MACF1: variants seen among roughly 807,000 people sequenced by gnomAD.
MACF1 encodes the protein microtubule actin crosslinking factor 1, also known as microtubule-actin cross-linking factor 1.
In MACF1, 193 loss-of-function variants were observed where a neutral mutation model predicts 854.8. That is an observed-to-expected ratio of 0.23 (90% CI 0.20 to 0.25). The LOEUF (loss-of-function observed/expected upper bound fraction) is 0.25. Among genes scored for constraint, MACF1 ranks in the 10% least tolerant of loss-of-function variants. The pLI is 1.00. For synonymous variants in MACF1, 3,185 were observed against 3,226.7 expected, an observed-to-expected ratio of 0.99 and a Z score of 0.44; for missense variants, 7,722 against 8,929.1, an observed-to-expected ratio of 0.86 and a Z score of 5.45.
intron 1 of MACF1, among the ~76,000 whole-genome samples, chr1:39,224,184 T>TCC (rs1327852511): frequency 6.6e-6 from 1 of 151,612 alleles, no homozygotes; most frequent in African/African-American, 2.4e-5. Flanking sequence ...ATCCCCCTAC[T>TCC]CCCCCCCATA....
intron 71 of MACF1, 30 bp from the exon 72 acceptor site, chr1:39,439,244 T>C (rs757516531): frequency 1.4e-6 from 2 of 1,393,270 alleles, no homozygotes; most frequent in East Asian, 4.6e-5. Flanking sequence ...CAGAAAGTCC[T>C]ATTCATATCT....
chr1:39,122,019 A>G (rs768500616), intron 2 of MACF1, among the ~76,000 whole-genome samples: 3 of 152,072 alleles, frequency 2.0e-5, no homozygotes, highest in Non-Finnish European at 4.4e-5. Flanking sequence ...GATTTGAACT[A>G]CTCAAGTAGA....
intron 40 of MACF1, among the ~76,000 whole-genome samples, chr1:39,343,809 G>A (rs1375907407): frequency 6.6e-6 from 1 of 152,136 alleles, no homozygotes. Flanking sequence ...TAGAGCAGGA[G>A]TGAAAGTTTA....
chr1:39,326,340 A>G (rs1646609526), intron 35 of MACF1, among the ~76,000 whole-genome samples: 1 of 152,198 alleles, frequency 6.6e-6, no homozygotes, highest in Non-Finnish European at 1.5e-5. Flanking sequence ...TTGGTGACAA[A>G]TATACAGTGG....
intron 2 of MACF1, among the ~76,000 whole-genome samples, chr1:39,112,577 C>T (rs1043751993): frequency 1.3e-5 from 2 of 151,974 alleles, no homozygotes; most frequent in Non-Finnish European, 2.9e-5. Context: ...ACTTGGATGG[C>T]TGAGGCACAA....
In MACF1 at chr1:39,340,803, G is replaced by A; in HGVS notation, c.10432-1G>A. 1 of 1,612,760 alleles carries A rather than the reference G, an allele frequency of 6.2e-7. No individual in the cohort carries two copies. Among genetic ancestry groups the A allele is most frequent in the Non-Finnish European group, 8.5e-7 (1 of 1,179,630 alleles). On this transcript the variant is annotated splice_acceptor_variant, in intron 39 of 100. Coordinates refer to ENST00000564288, the MANE Select transcript of MACF1 (RefSeq NM_001394062.1). LOFTEE classifies it high-confidence loss of function. ...AATGTGATTTTCCATTTATTTCTTA[G>A]ACTAAAGTGTTAAATCAGCACACAC...
chr1:39,185,836 C>A (rs1644161860), intron 2 of MACF1, among the ~76,000 whole-genome samples: 1 of 152,138 alleles, frequency 6.6e-6, no homozygotes, highest in Non-Finnish European at 1.5e-5. Flanking sequence ...TGTATCTCTT[C>A]ATGAAATAAC....
rs571092284 is a variant in MACF1 at position 39,250,246 on chromosome 1, T to G, written c.261+143T>G. 252 of 491,132 alleles carry G rather than the reference T, an allele frequency of 5.1e-4. No individual in the cohort carries two copies. The South Asian group carries it at 5.2e-3, about 10-fold the overall frequency. 30.4% of individuals were successfully genotyped at this position (491,132 alleles called of 1,614,324 possible). A position where few individuals can be genotyped will look rare whatever the true frequency, so the allele number is the denominator to read the frequency against. On this transcript the variant is annotated intron_variant, in intron 3 of 100. Coordinates refer to ENST00000564288, the MANE Select transcript of MACF1 (RefSeq NM_001394062.1). ...AAGTAGAAGGAAATGTTGGGGGACT[T>G]TATTTCTAACTCAGACTTAGAATTT...
At chr1:39,127,827 G>A (rs1285311493) in intron 2 of MACF1, among the ~76,000 whole-genome samples, 1 of 151,818 alleles carries the variant, frequency 6.6e-6, no homozygotes, top group East Asian at 1.9e-4. Context: ...GCCCTAGTCA[G>A]ATGTGAGATG....
chr1:39,190,548 C>T (rs1283992632), intron 2 of MACF1, among the ~76,000 whole-genome samples: 1 of 151,646 alleles, frequency 6.6e-6, no homozygotes, highest in Non-Finnish European at 1.5e-5. Context: ...CCATGTTGCC[C>T]AGGGTGGTCT....
chr1:39,088,121 T>C (rs1040058874), intron 2 of MACF1, among the ~76,000 whole-genome samples: 7 of 152,168 alleles, frequency 4.6e-5, no homozygotes, highest in Non-Finnish European at 7.4e-5. Flanking sequence ...TACAGGCGCC[T>C]GCCACCTTGC....
At chr1:39,184,306 G>A (rs1013388202) in intron 2 of MACF1, among the ~76,000 whole-genome samples, 3 of 152,152 alleles carry the variant, frequency 2.0e-5, no homozygotes, top group Middle Eastern at 3.2e-3. Context: ...CAGTTCTATA[G>A]CTAGCAGGGT....
chr1:39,325,135 CAG>C (rs1646585694), intron 35 of MACF1, among the ~76,000 whole-genome samples: 4 of 152,130 alleles, frequency 2.6e-5, no homozygotes, highest in Non-Finnish European at 4.4e-5. Context: ...CATAAAGTGA[CAG>C]AGATTTGAAT....
chr1:39,436,163 A>G (rs527508221), intron 70 of MACF1, among the ~76,000 whole-genome samples: 1 of 152,330 alleles, frequency 6.6e-6, no homozygotes, highest in Non-Finnish European at 1.5e-5. Context: ...CAGCTAACTC[A>G]TAGTTTAAGA....
chr1:39,354,396 T>TTTTA (rs976482107), intron 44 of MACF1, among the ~76,000 whole-genome samples: 35 of 152,200 alleles, frequency 2.3e-4, no homozygotes, highest in South Asian at 1.0e-3. Context: ...CTTTCTTTTC[T>TTTTA]TTTATTTATT....
At chr1:39,282,421 T>C in intron 7 of MACF1, 47 bp downstream of exon 7, 1 of 1,563,994 alleles carries the variant, frequency 6.4e-7, no homozygotes, top group Non-Finnish European at 8.7e-7. Context: ...TTTTCTCATC[T>C]CTTGTTTGTA....
Position 39,357,563 on chromosome 1 carries a change from G to T in MACF1, c.11613G>T (p.Gln3871His), listed in dbSNP as rs777337994. Residue 3871 changes from glutamine to histidine, a missense_variant, in exon 45 of 101, where the codon CAG becomes CAT. Around this residue, in one of 15 missense-constraint regions of MACF1, gnomAD observed 2,807 missense variants for 3,235.8 expected, o/e 0.87. Transcript: ENST00000564288. ...SLAQSEAELK[Q>H]VQTLQDELQK... ...CCCAATCAGAGGCAGAACTGAAGCA[G>T]GTGCAGACACTTCAGGATGAGTTGC... is the stretch of plus-strand genomic sequence containing the variant. 4.3e-6 allele frequency: 7 copies of T among 1,613,986 alleles called. No individual in the cohort carries two copies. The African/African-American group carries it at 5.3e-5, about 12-fold the overall frequency.
chr1:39,337,452 G>A, intron 38 of MACF1, 121 bp downstream of exon 38: 3 of 913,144 alleles, frequency 3.3e-6, no homozygotes, highest in Non-Finnish European at 4.7e-6. Context: ...AACAATCTCA[G>A]ACCCTTGTCA....
chr1:39,147,280 T>A (rs1411912784), intron 2 of MACF1, among the ~76,000 whole-genome samples: 1 of 151,358 alleles, frequency 6.6e-6, no homozygotes, highest in African/African-American at 2.4e-5. Flanking sequence ...CTTTTCTTTT[T>A]CCTTCTCTTT....
Sources: allele counts gnomAD v4.1 joint callset (sites outside exome capture counted in the v4.1 genomes callset), GRCh38; gene constraint gnomAD v4.1.1; regional missense constraint gnomAD v4.1.1; transcripts MANE v1.5; gene names NCBI Gene and HGNC (gene_info 2026-07-23, HGNC 2026-07-21).